The following ADRA1B variants were observed in gnomAD, a reference collection of about 807,000 sequenced individuals.
ADRA1B encodes the protein alpha-1B adrenergic receptor.
ADRA1B carries 17 observed loss-of-function variants against 17.9 expected under a neutral mutation model. That is an observed-to-expected ratio of 0.95 (90% confidence interval 0.65 to 1.42). The LOEUF (loss-of-function observed/expected upper bound fraction) is 1.42, where lower values mean the gene tolerates loss of function less well. Ranked by LOEUF, ADRA1B falls within the 40% of genes most tolerant of loss-of-function variation. The pLI, the probability that ADRA1B is intolerant of heterozygous loss-of-function variation, is 0.00. For missense variants in ADRA1B, 681 were observed against 722.1 expected, an observed-to-expected ratio of 0.94 and a Z score of 0.65; for synonymous variants, 366 against 327.6, an observed-to-expected ratio of 1.12 and a Z score of -1.27.
intron 1 of ADRA1B, among the ~76,000 whole-genome samples, chr5:159,927,807 G>A (rs1040061020): frequency 6.6e-6 from 1 of 152,024 alleles, no homozygotes; most frequent in Non-Finnish European, 1.5e-5. Context: ...AGCCTCAGAT[G>A]GGGAGGAAAG....
In ADRA1B at chr5:159,972,088, A is replaced by G. The variant is rs781253324; in HGVS notation, c.1159A>G (p.Thr387Ala). ...RRRRLGGCAY[T>A]YRPWTRGGSL... The stretch of plus-strand genomic sequence containing the variant: ...CCGTCGCCTGGGCGGCTGCGCCTAC[A>G]CCTACCGGCCGTGGACGCGCGGCGG... Residue 387 changes from threonine to alanine, a missense_variant, in exon 2 of 2, where the codon ACC becomes GCC. By Grantham distance (58) the Thr-to-Ala change is moderately conservative (BLOSUM62 0). Coordinates refer to ENST00000306675, the MANE Select transcript of ADRA1B (RefSeq NM_000679.4). 9.3e-6 allele frequency: 12 copies of G among 1,287,060 alleles called. No homozygotes were observed. The highest frequency in any genetic ancestry group is 1.1e-5 in the Non-Finnish European group (11 of 1,014,148). 79.7% of individuals were successfully genotyped at this position (1,287,060 alleles called of 1,614,324 possible). A position where few individuals can be genotyped will look rare whatever the true frequency, so the allele number is the denominator to read the frequency against.
At chr5:159,867,361 T>C (rs1257345341) in intron 1 of ADRA1B, among the ~76,000 whole-genome samples, 1 of 152,222 alleles carries the variant, frequency 6.6e-6, no homozygotes, top group Non-Finnish European at 1.5e-5. Context: ...TATTTGTGTC[T>C]GCCCTTTGCT....
chr5:159,988,347 C>T, the ADRA1B span, among the ~76,000 whole-genome samples: 1 of 152,238 alleles, frequency 6.6e-6, no homozygotes, highest in African/African-American at 2.4e-5. Context: ...GTAAAACTGA[C>T]TGTAGACTTC....
At chr5:159,903,635 G>A (rs1393024650) in intron 1 of ADRA1B, among the ~76,000 whole-genome samples, 1 of 152,132 alleles carries the variant, frequency 6.6e-6, no homozygotes, top group East Asian at 1.9e-4. Context: ...GGCAACTCCC[G>A]TGGGAGTGTG....
At chr5:159,983,077 A>T in the ADRA1B span, among the ~76,000 whole-genome samples, 1 of 152,168 alleles carries the variant, frequency 6.6e-6, no homozygotes. Flanking sequence ...ATGAGGACGC[A>T]CCTGCTGCAG....
At chr5:159,954,173 G>C (rs1029700646) in intron 1 of ADRA1B, among the ~76,000 whole-genome samples, 2 of 152,194 alleles carry the variant, frequency 1.3e-5, no homozygotes, top group Non-Finnish European at 1.5e-5. Context: ...CTTGGTGTCT[G>C]AATCAGCTCC....
At chr5:159,898,723 G>A (rs1581023947) in intron 1 of ADRA1B, among the ~76,000 whole-genome samples, 2 of 152,304 alleles carry the variant, frequency 1.3e-5, no homozygotes, top group South Asian at 4.1e-4. Flanking sequence ...TCACATCTAT[G>A]TTGATATCAA....
chr5:159,866,680 C>G (rs983732695), intron 1 of ADRA1B, among the ~76,000 whole-genome samples: 2 of 151,912 alleles, frequency 1.3e-5, no homozygotes, highest in Non-Finnish European at 2.9e-5. Flanking sequence ...CCATTATGTG[C>G]TTTTATGGGA....
chr5:159,887,104 AC>A (rs1753933472), intron 1 of ADRA1B, among the ~76,000 whole-genome samples: 1 of 151,970 alleles, frequency 6.6e-6, no homozygotes, highest in African/African-American at 2.4e-5. Flanking sequence ...ATTCAAAGAA[AC>A]TCTCTGCCTC....
chr5:159,904,872 G>A (rs1373036414), intron 1 of ADRA1B, among the ~76,000 whole-genome samples: 1 of 152,184 alleles, frequency 6.6e-6, no homozygotes, highest in Non-Finnish European at 1.5e-5. Flanking sequence ...ATAAATATCT[G>A]CTAATCACTA....
intron 1 of ADRA1B, among the ~76,000 whole-genome samples, chr5:159,910,119 G>T (rs1303156721): frequency 6.6e-6 from 1 of 152,058 alleles, no homozygotes; most frequent in African/African-American, 2.4e-5. Flanking sequence ...AAATTATAGA[G>T]AACATCAATA....
chr5:159,982,201 A>G, the ADRA1B span, among the ~76,000 whole-genome samples: 1 of 152,226 alleles, frequency 6.6e-6, no homozygotes, highest in Non-Finnish European at 1.5e-5. Flanking sequence ...GCCAATCCCC[A>G]TAATGGTGAT....
chr5:159,950,795 G>C (rs928785309), intron 1 of ADRA1B: 14 of 600,374 alleles, frequency 2.3e-5, no homozygotes, highest in Non-Finnish European at 3.7e-5. Context: ...TTGGTGATGT[G>C]GACACAGAAG....
chr5:159,885,250 G>T lies in ADRA1B; in HGVS notation c.-256+20044G>T, dbSNP rs73311426. The stretch of plus-strand genomic sequence containing the variant: ...AGTGAAATTTATTTATTTTTCTGGA[G>T]ATTTTTGTCAGATGCCTAGCCAGCA... On this transcript the variant is annotated intron_variant, in intron 1 of 2. Coordinates refer to the ADRA1B transcript ENST00000641205. Among the ~76,000 whole-genome samples the T allele has an allele frequency of 7.6e-3, 1,151 of 152,238 alleles. 14 individuals are homozygous for T. Among genetic ancestry groups the T allele is most frequent in the African/African-American group, 0.026 (1,083 of 41,524 alleles).
At chr5:159,971,674 A>T (rs1413619797) in intron 1 of ADRA1B, among the ~76,000 whole-genome samples, 3 of 152,196 alleles carry the variant, frequency 2.0e-5, no homozygotes, top group Non-Finnish European at 4.4e-5. Flanking sequence ...GAAGTTATTG[A>T]GGCTGGCCCT....
Position 159,917,226 on chromosome 5 carries a change from G to A in ADRA1B, c.321G>A (p.Val107=), listed in dbSNP as rs757529464. 2 of 1,614,052 alleles carry A rather than the reference G, an allele frequency of 1.2e-6. No homozygotes were observed. Among genetic ancestry groups the A allele is most frequent in the African/African-American group, 1.3e-5 (1 of 74,932 alleles). Reference sequence around the variant, plus strand: ...TGCCCTTCTCAGCGGCCCTAGAGGTGCTCGGCTACTGGGTGCTGGGGCGGA... The same window carrying A: ...TGCCCTTCTCAGCGGCCCTAGAGGTACTCGGCTACTGGGTGCTGGGGCGGA... The part of the protein sequence containing the change: ...TVLPFSAALE[V]LGYWVLGRIF... The change falls in exon 1 of 2, where the codon GTG becomes GTA. Residue 107 remains valine (V), a synonymous_variant. Coordinates refer to ENST00000306675, the MANE Select transcript of ADRA1B (RefSeq NM_000679.4).
At position 159,917,707 on chromosome 5, in the gene ADRA1B, A is replaced by G. The variant is rs1157900390; in HGVS notation, c.802A>G (p.Thr268Ala). The G allele has an allele frequency of 3.1e-6, 5 of 1,613,750 alleles. No homozygotes were observed. The highest frequency in any genetic ancestry group is 3.3e-5 in the Admixed American group (2 of 59,998). The change falls in exon 1 of 2, where the codon ACC becomes GCC. Residue 268 changes from threonine (T) to alanine (A), a missense_variant. Physicochemically the swap from Thr to Ala is moderately conservative, Grantham distance 58. This residue lies in a region of ADRA1B where 424 missense variants were observed against 480.2 expected (regional missense o/e 0.88). Transcript: ENST00000306675. ...CTTTCACGAGGACACCCTTAGCAGTACCAAGGCCAAGGGCCACAACCCCAG... is the reference window on the plus strand; with the variant it reads ...CTTTCACGAGGACACCCTTAGCAGTGCCAAGGCCAAGGGCCACAACCCCAG... ...KNFHEDTLSSTKAKGHNPRSS... is the reference protein window; with the variant it reads ...KNFHEDTLSSAKAKGHNPRSS...
upstream of ADRA1B, among the ~76,000 whole-genome samples, chr5:159,913,752 A>G (rs1754251405): frequency 6.6e-6 from 1 of 152,150 alleles, no homozygotes; most frequent in Non-Finnish European, 1.5e-5. Flanking sequence ...TTATGTAGAC[A>G]CAGCCTCAGT....
chr5:159,943,767 T>A (rs1333280664), intron 1 of ADRA1B, among the ~76,000 whole-genome samples: 1 of 152,176 alleles, frequency 6.6e-6, no homozygotes, highest in Admixed American at 6.5e-5. Flanking sequence ...GAAGAAAAGA[T>A]AAAATTTTAA....
Sources: allele counts gnomAD v4.1 joint callset (sites outside exome capture counted in the v4.1 genomes callset), GRCh38; gene constraint gnomAD v4.1.1; regional missense constraint gnomAD v4.1.1; transcripts MANE v1.5; gene names NCBI Gene and HGNC (gene_info 2026-07-23, HGNC 2026-07-21).